The following NMBR variants were observed in gnomAD, a reference collection of about 807,000 sequenced individuals.
NMBR encodes neuromedin B receptor.
NMBR carries 16 observed loss-of-function variants against 20.5 expected under a neutral mutation model. That is an observed-to-expected ratio of 0.78 (90% confidence interval 0.53 to 1.19). The LOEUF is 1.19. Ranked by LOEUF, NMBR falls within the 50% of genes most tolerant of loss-of-function variation. The probability of loss-of-function intolerance (pLI) is 0.00; values close to 1 mark genes in which losing one functional copy is unlikely to be tolerated. For synonymous variants in NMBR, 212 were observed against 196.6 expected, an observed-to-expected ratio of 1.08 and a Z score of -0.65; for missense variants, 582 against 499.1, an observed-to-expected ratio of 1.17 and a Z score of -1.58.
intron 2 of NMBR, among the ~76,000 whole-genome samples, chr6:142,081,930 T>C (rs1275261152): frequency 6.6e-6 from 1 of 152,212 alleles, no homozygotes; most frequent in East Asian, 1.9e-4. Flanking sequence ...TCACTATTCA[T>C]GTATTAAACC....
At chr6:142,094,479 C>T (rs1777404625) in intron 1 of NMBR, among the ~76,000 whole-genome samples, 1 of 152,124 alleles carries the variant, frequency 6.6e-6, no homozygotes, top group African/African-American at 2.4e-5. Flanking sequence ...GGCATTATTT[C>T]TGAAGGCTCT....
At position 142,087,249 on chromosome 6, in the gene NMBR, T is replaced by C. The variant is rs144837753; in HGVS notation, c.422+988A>G. On this transcript the variant is annotated intron_variant, in intron 2 of 3. Coordinates refer to ENST00000258042, the MANE Select transcript of NMBR (RefSeq NM_002511.4). Reference sequence around the variant, plus strand: ...ATACAGACTTATTTTTCATTAGCAATTGAATATGTAAATTAAAGAGGAGAG... The same window carrying C: ...ATACAGACTTATTTTTCATTAGCAACTGAATATGTAAATTAAAGAGGAGAG... Among the ~76,000 whole-genome samples, 340 of 152,306 alleles carry C rather than the reference T, an allele frequency of 2.2e-3. 2 individuals are homozygous for C. Among genetic ancestry groups the C allele is most frequent in the African/African-American group, 7.0e-3 (290 of 41,564 alleles).
intron 1 of NMBR, among the ~76,000 whole-genome samples, chr6:142,090,912 G>GA (rs1212838666): frequency 6.6e-6 from 1 of 151,828 alleles, no homozygotes; most frequent in African/African-American, 2.4e-5. Context: ...ATTTAGAAGA[G>GA]AAAAAAATGT....
chr6:142,099,975 A>T (rs1224707165), intron 1 of NMBR, among the ~76,000 whole-genome samples: 2 of 152,236 alleles, frequency 1.3e-5, no homozygotes, highest in Non-Finnish European at 2.9e-5. Flanking sequence ...TGCTTACATC[A>T]TGCCATTAAG....
In NMBR at chr6:142,086,916, T is replaced by G. The variant is rs142093885; in HGVS notation, c.422+1321A>C. 3.5e-3 allele frequency among the ~76,000 whole-genome samples: 535 copies of G among 152,308 alleles called. 4 individuals are homozygous for G. The highest frequency in any genetic ancestry group is 0.011 in the African/African-American group (445 of 41,570). ...AATCATTAAGTTTTATTCTAATCACTAAGTAGGTTTTTTAAACTTTCTAGG... is the reference window on the plus strand; with the variant it reads ...AATCATTAAGTTTTATTCTAATCACGAAGTAGGTTTTTTAAACTTTCTAGG... On this transcript the variant is annotated intron_variant, in intron 2 of 3. Transcript: ENST00000258042.
chr6:142,088,385 G>T lies in NMBR; in HGVS notation c.274C>A (p.Leu92Met), dbSNP rs1040725359. ...TCCACCGGGACGCAGGTGAGCAGCA[G>T]CAGCAAGTCCCCGGCCGCCAGGTTA... ...ISNLAAGDLL[L>M]LLTCVPVDAS... is the part of the protein sequence containing the mutation. The change falls in exon 2 of 4, where the codon CTG becomes ATG. Residue 92 changes from leucine to methionine, a missense_variant. By Grantham distance (15) the Leu-to-Met change is conservative. Coordinates refer to ENST00000258042, the MANE Select transcript of NMBR (RefSeq NM_002511.4). The T allele has an allele frequency of 3.1e-6, 5 of 1,614,152 alleles. No individual in the cohort carries two copies. The highest frequency in any genetic ancestry group is 4.2e-6 in the Non-Finnish European group (5 of 1,180,022).
chr6:142,079,497 GT>G (rs1777049134), intron 2 of NMBR, among the ~76,000 whole-genome samples: 2 of 151,952 alleles, frequency 1.3e-5, no homozygotes, highest in Admixed American at 6.6e-5. Flanking sequence ...ATCTATATAT[GT>G]TACATCTATC....
chr6:142,126,757 A>AT (rs34631481), intron 1 of NMBR, among the ~76,000 whole-genome samples: 16,271 of 51,458 alleles, frequency 0.32, 2,985 homozygotes, highest in East Asian at 0.71. Context: ...TATTTGAGGG[A>AT]TTTTTTTTTT....
intron 2 of NMBR, among the ~76,000 whole-genome samples, chr6:142,080,724 G>A (rs1777077380): frequency 2.0e-5 from 3 of 152,264 alleles, no homozygotes; most frequent in Middle Eastern, 3.4e-3. Flanking sequence ...ATTATTGACT[G>A]ACAATTCATA....
chr6:142,111,484 T>G (rs145784750), intron 1 of NMBR, among the ~76,000 whole-genome samples: 28 of 152,346 alleles, frequency 1.8e-4, no homozygotes, highest in African/African-American at 6.7e-4. Flanking sequence ...AATTTTCCAA[T>G]TATTAATATT....
intron 1 of NMBR, among the ~76,000 whole-genome samples, chr6:142,138,301 C>G (rs187933047): frequency 3.3e-5 from 5 of 152,196 alleles, no homozygotes; most frequent in African/African-American, 1.2e-4. Context: ...TCATGAATTT[C>G]TGGATCTAAG....
At chr6:142,119,987 T>C (rs1457021601) in intron 1 of NMBR, among the ~76,000 whole-genome samples, 2 of 151,984 alleles carry the variant, frequency 1.3e-5, no homozygotes, top group African/African-American at 2.4e-5. Flanking sequence ...GTTGGCTTAA[T>C]TTTAAGTAAA....
chr6:142,115,745 CTCCT>C (rs1288268061), intron 1 of NMBR, among the ~76,000 whole-genome samples: 1 of 152,012 alleles, frequency 6.6e-6, no homozygotes, highest in Non-Finnish European at 1.5e-5. Flanking sequence ...TTAATGTTTG[CTCCT>C]GTGGTCATCA....
chr6:142,096,138 G>T (rs1777447242), intron 1 of NMBR, among the ~76,000 whole-genome samples: 1 of 151,930 alleles, frequency 6.6e-6, no homozygotes. Flanking sequence ...AGGGTTTTTT[G>T]TGTCTTTATT....
chr6:142,119,379 C>T (rs2088227991), intron 1 of NMBR, among the ~76,000 whole-genome samples: 1 of 151,912 alleles, frequency 6.6e-6, no homozygotes, highest in Non-Finnish European at 1.5e-5. Context: ...CAAGCCTATT[C>T]ATGGTTGCCA....
chr6:142,079,237 C>T (rs2114555568), intron 2 of NMBR, among the ~76,000 whole-genome samples: 1 of 151,960 alleles, frequency 6.6e-6, no homozygotes, highest in East Asian at 1.9e-4. Flanking sequence ...AAGAGAAAAA[C>T]ATTCTGCTTA....
intron 2 of NMBR, among the ~76,000 whole-genome samples, chr6:142,085,177 G>C (rs1777177130): frequency 6.6e-6 from 1 of 152,162 alleles, no homozygotes; most frequent in Non-Finnish European, 1.5e-5. Context: ...CTGTTGCCTA[G>C]GGATGTGTCT....
chr6:142,075,885 G>T lies in NMBR; in HGVS notation c.936C>A (p.Leu312=), dbSNP rs775085766. The change falls in exon 4 of 4, where the codon CTC becomes CTA. Residue 312 remains leucine (L), a synonymous_variant. Transcript: ENST00000258042. ...GGTTGACACAAGAATTGCCAAAACT[G>T]AGAACCCGGGCAACTAAGGTGACAA... The part of the protein sequence containing the change: ...HMIVTLVARV[L]SFGNSCVNPF... 2.8e-5 allele frequency: 46 copies of T among 1,614,058 alleles called. No individual in the cohort carries two copies. Among genetic ancestry groups the T allele is most frequent in the Non-Finnish European group, 3.8e-5 (45 of 1,179,968 alleles).
intron 3 of NMBR, among the ~76,000 whole-genome samples, chr6:142,077,996 A>T (rs1462820814): frequency 6.6e-6 from 1 of 152,000 alleles, no homozygotes; most frequent in Non-Finnish European, 1.5e-5. Flanking sequence ...TACAAATTTG[A>T]GTTGGGTCAC....
Sources: allele counts gnomAD v4.1 joint callset (sites outside exome capture counted in the v4.1 genomes callset), GRCh38; gene constraint gnomAD v4.1.1; transcripts MANE v1.5; gene names NCBI Gene and HGNC (gene_info 2026-07-23, HGNC 2026-07-21).